The following MRPS30 variants were observed in gnomAD, a reference collection of about 807,000 sequenced individuals.
The protein encoded by MRPS30 is large ribosomal subunit protein mL65.
A neutral mutation model predicts 43.8 loss-of-function variants in MRPS30; 42 were observed. The observed-to-expected ratio is 0.96, with a 90% CI of 0.75 to 1.24. The LOEUF (loss-of-function observed/expected upper bound fraction) is 1.24. Among genes scored for constraint, MRPS30 ranks in the 50% most tolerant of loss-of-function variants. The pLI is 0.00. For missense variants in MRPS30, 638 were observed against 570.0 expected (o/e 1.12, Z -1.22); for synonymous variants, 273 against 228.2 (o/e 1.20, Z -1.77).
Position 44,815,384 on chromosome 5 carries a change from T to A in MRPS30, c.*182T>A, listed in dbSNP as rs988229455. ...CATCACTGAAAGATTTAATTTTAGT[T>A]ACCTTTTGTTGATTTAAAAATAATT... is the stretch of plus-strand genomic sequence containing the variant. On this transcript the variant is annotated 3_prime_UTR_variant, in exon 5 of 5. Transcript: ENST00000507110. 1 of 538,274 alleles carries A rather than the reference T, an allele frequency of 1.9e-6. No homozygotes were observed. The highest frequency in any genetic ancestry group is 1.9e-5 in the African/African-American group (1 of 52,196). 33.3% of individuals were successfully genotyped at this position (538,274 alleles called of 1,614,324 possible).
At chr5:44,812,876 TATG>T (rs1742865370) in intron 3 of MRPS30, among the ~76,000 whole-genome samples, 5 of 152,278 alleles carry the variant, frequency 3.3e-5, no homozygotes, top group African/African-American at 1.2e-4. Flanking sequence ...TCTTCCATGT[TATG>T]ATGGGCTTTA....
At chr5:44,809,797 G>A in intron 1 of MRPS30, 1 of 519,856 alleles carries the variant, frequency 1.9e-6, no homozygotes, top group Non-Finnish European at 3.4e-6. Context: ...CTGAAAGCCT[G>A]AGCTCTCCAG....
chr5:44,811,812 T>G, intron 2 of MRPS30, 103 bp from the exon 3 acceptor site: 1 of 721,254 alleles, frequency 1.4e-6, no homozygotes, highest in Non-Finnish European at 2.2e-6. Flanking sequence ...ATCAAATCAT[T>G]TTGTGAAATC....
chr5:44,809,039 C>T lies in MRPS30; in HGVS notation c.77C>T (p.Ala26Val), dbSNP rs1481031253. ...LSLHTAANAA[A>V]TATETTCQDV... ...TTGCACACCGCGGCTAATGCCGCCG[C>T]CACGGCTACAGAAACGACCTGCCAA... The change falls in exon 1 of 5, where the codon GCC (alanine) becomes GTC (valine). Residue 26 changes from alanine (A) to valine (V), a missense_variant. By Grantham distance (64) the Ala-to-Val change is moderately conservative. Transcript: ENST00000507110. The T allele has an allele frequency of 9.9e-6, 16 of 1,610,392 alleles. No homozygotes were observed. Among genetic ancestry groups the T allele is most frequent in the Non-Finnish European group, 1.4e-5 (16 of 1,178,956 alleles).
chr5:44,809,187 G>A lies in MRPS30; in HGVS notation c.225G>A (p.Ser75=), dbSNP rs1418498951. Residue 75 remains serine (S), a synonymous_variant, in exon 1 of 5, where the codon TCG becomes TCA. Coordinates refer to ENST00000507110, the MANE Select transcript of MRPS30 (RefSeq NM_016640.4). The part of the protein sequence containing the change: ...RWQATVHAAE[S]VDEKLRILTK... Reference sequence around the variant, plus strand: ...AGGCGACGGTGCACGCTGCGGAGTCGGTAGACGAGAAGCTGCGAATCCTCA... The same window carrying A: ...AGGCGACGGTGCACGCTGCGGAGTCAGTAGACGAGAAGCTGCGAATCCTCA... 6.2e-7 allele frequency: 1 copy of A among 1,612,720 alleles called. No homozygotes were observed. Among genetic ancestry groups the A allele is most frequent in the South Asian group, 1.1e-5 (1 of 91,032 alleles).
rs759563107 is a variant in MRPS30 at position 44,809,329 on chromosome 5, G to GCGGAGC, written c.369_374dup (p.Glu134_Pro135dup). The stretch of plus-strand genomic sequence containing the variant: ...CCTGTCGGGTCTGCCGCCGCCCCCA[G>GCGGAGC]CGGAGCCCGAGCCCGAGCCCGAACC... On this transcript the variant is annotated inframe_insertion, in exon 1 of 5. Coordinates refer to ENST00000507110, the MANE Select transcript of MRPS30 (RefSeq NM_016640.4). 1.2e-6 allele frequency: 2 copies of GCGGAGC among 1,607,808 alleles called. No homozygotes were observed. The highest frequency in any genetic ancestry group is 1.7e-6 in the Non-Finnish European group (2 of 1,175,704).
At chr5:44,812,639 G>C (rs909486360) in intron 3 of MRPS30, among the ~76,000 whole-genome samples, 3 of 139,144 alleles carry the variant, frequency 2.2e-5, no homozygotes, top group African/African-American at 7.7e-5. Flanking sequence ...ATGAAATGTT[G>C]CTACTTATTT....
In MRPS30 at chr5:44,810,585, A is replaced by G. The variant is rs145768783; in HGVS notation, c.602-424A>G. ...GAGGAAAGCGTCATGGACTTAGACT[A>G]CTCCTGATGGATGGCCTAGAAAACC... On this transcript the variant is annotated intron_variant, in intron 1 of 4. Transcript: ENST00000507110. 2.0e-4 allele frequency among the ~76,000 whole-genome samples: 31 copies of G among 151,992 alleles called. No homozygotes were observed. The East Asian group carries it at 5.0e-3, about 25-fold the overall frequency.
intron 3 of MRPS30, 39 bp from the exon 4 acceptor site, chr5:44,813,067 T>C: frequency 6.3e-7 from 1 of 1,596,410 alleles, no homozygotes; most frequent in Non-Finnish European, 8.5e-7. Flanking sequence ...ATGTTCTACA[T>C]GTTTGTTTCA....
At position 44,809,080 on chromosome 5, in the gene MRPS30, C is replaced by A; in HGVS notation, c.118C>A (p.Pro40Thr). Residue 40 changes from proline (P) to threonine (T), a missense_variant, in exon 1 of 5, where the codon CCC becomes ACC. Physicochemically the swap from Pro to Thr is conservative, Grantham distance 38 (BLOSUM62 -1). Transcript: ENST00000507110. ...GACCTGCCAAGACGTCGCGGCGACC[C>A]CCGTCGCGCGGTACCCGCCGATTGT... ...ETTCQDVAAT[P>T]VARYPPIVAS... is the part of the protein sequence containing the mutation. 6.2e-7 allele frequency: 1 copy of A among 1,609,956 alleles called. No individual in the cohort carries two copies. The highest frequency in any genetic ancestry group is 8.5e-7 in the Non-Finnish European group (1 of 1,178,748).
At chr5:44,810,888 G>T (rs1742829333) in intron 1 of MRPS30, 121 bp from the exon 2 acceptor site, 1 of 818,402 alleles carries the variant, frequency 1.2e-6, no homozygotes, top group Non-Finnish European at 1.9e-6. Context: ...ACATAACCCA[G>T]ACTCTTACCT....
chr5:44,809,814 A>C, intron 1 of MRPS30: 1 of 483,790 alleles, frequency 2.1e-6, no homozygotes, highest in Non-Finnish European at 3.6e-6. Flanking sequence ...CCAGGATTCC[A>C]GTCCTGGATT....
chr5:44,810,457 CTTAATAT>C (rs1379110872), intron 1 of MRPS30, among the ~76,000 whole-genome samples: 1 of 152,120 alleles, frequency 6.6e-6, no homozygotes, highest in Non-Finnish European at 1.5e-5. Context: ...AAGTGTATGT[CTTAATAT>C]TTATTGAAGT....
At chr5:44,809,866 T>C (rs1742801355) in intron 1 of MRPS30, 1 of 355,538 alleles carries the variant, frequency 2.8e-6, no homozygotes, top group African/African-American at 2.1e-5. Context: ...GCAGTGGTGA[T>C]GAAGAGAAAC....
At chr5:44,814,504 A>C (rs571626059) in intron 4 of MRPS30, among the ~76,000 whole-genome samples, 1 of 152,322 alleles carries the variant, frequency 6.6e-6, no homozygotes, top group South Asian at 2.1e-4. Context: ...TACATATGTC[A>C]ACAGTATTAC....
chr5:44,813,346 T>C, intron 4 of MRPS30, 64 bp downstream of exon 4: 2 of 1,379,034 alleles, frequency 1.5e-6, no homozygotes, highest in South Asian at 1.6e-5. Flanking sequence ...ATATAATGGT[T>C]AAAATTTTTT....
At chr5:44,810,639 TCTC>T (rs1218058986) in intron 1 of MRPS30, among the ~76,000 whole-genome samples, 4 of 152,172 alleles carry the variant, frequency 2.6e-5, no homozygotes, top group African/African-American at 7.2e-5. Flanking sequence ...CCCAGGTTCT[TCTC>T]CTATAAAATA....
intron 1 of MRPS30, chr5:44,810,104 C>T (rs1431043754): frequency 6.6e-6 from 1 of 151,496 alleles, no homozygotes; most frequent in Non-Finnish European, 1.5e-5. Flanking sequence ...ACTAAGATAC[C>T]TAACGTTTAC....
At chr5:44,813,517 A>G (rs1181362485) in intron 4 of MRPS30, 5 of 339,152 alleles carry the variant, frequency 1.5e-5, no homozygotes, top group Non-Finnish European at 2.1e-5. Flanking sequence ...GTGTGAATGT[A>G]CTTTTGCACA....
Sources: allele counts gnomAD v4.1 joint callset (sites outside exome capture counted in the v4.1 genomes callset), GRCh38; gene constraint gnomAD v4.1.1; transcripts MANE v1.5; gene names NCBI Gene and HGNC (gene_info 2026-07-23, HGNC 2026-07-21).